The following DSCAM variants were observed in gnomAD, a reference collection of about 807,000 sequenced individuals.
The protein encoded by DSCAM is cell adhesion molecule DSCAM.
DSCAM carries 47 observed loss-of-function variants against 217.7 expected under a neutral mutation model. That is an observed-to-expected ratio of 0.22 (90% CI 0.17 to 0.28). The LOEUF is 0.28. DSCAM is among the 10% of genes least tolerant of loss of function. The pLI is 1.00. For synonymous variants in DSCAM, 1,056 were observed against 1,015.3 expected, an observed-to-expected ratio of 1.04 and a Z score of -0.76; for missense variants, 2,080 against 2,618.3, an observed-to-expected ratio of 0.79 and a Z score of 4.49.
chr21:40,408,969 G>A (rs956604191), intron 3 of DSCAM, among the ~76,000 whole-genome samples: 1 of 152,188 alleles, frequency 6.6e-6, no homozygotes, highest in African/African-American at 2.4e-5. Context: ...AGGTGTTTAG[G>A]TAATGTGTGG....
At chr21:40,408,834 T>A (rs1048691477) in intron 3 of DSCAM, among the ~76,000 whole-genome samples, 2 of 152,164 alleles carry the variant, frequency 1.3e-5, no homozygotes, top group Admixed American at 6.5e-5. Flanking sequence ...ATGACATAAC[T>A]AGAGTTCGTA....
At chr21:40,578,263 T>C (rs904794876) in intron 3 of DSCAM, among the ~76,000 whole-genome samples, 1 of 152,104 alleles carries the variant, frequency 6.6e-6, no homozygotes, top group Non-Finnish European at 1.5e-5. Context: ...AGTTCAAGGA[T>C]GTTCACTGTA....
chr21:40,731,150 A>C (rs2410289), intron 1 of DSCAM, among the ~76,000 whole-genome samples: 3,343 of 152,328 alleles, frequency 0.022, 126 homozygotes, highest in African/African-American at 0.077. Context: ...GTTCTGAAGA[A>C]GTATTTAGGA....
intron 1 of DSCAM, among the ~76,000 whole-genome samples, chr21:40,771,805 C>T (rs985179588): frequency 1.3e-5 from 2 of 152,190 alleles, no homozygotes; most frequent in Non-Finnish European, 2.9e-5. Flanking sequence ...CTTGGAAAGG[C>T]ATTCCAAATA....
chr21:40,729,997 T>C (rs146422552), intron 1 of DSCAM, among the ~76,000 whole-genome samples: 88 of 152,294 alleles, frequency 5.8e-4, no homozygotes, highest in Middle Eastern at 6.8e-3. Flanking sequence ...TAAGTATTCA[T>C]AACAGACTGG....
intron 3 of DSCAM, among the ~76,000 whole-genome samples, chr21:40,574,360 AAAG>A (rs1344980828): frequency 1.3e-5 from 2 of 152,158 alleles, no homozygotes; most frequent in Non-Finnish European, 2.9e-5. Context: ...TTAACAGATT[AAAG>A]AAGAAAAATT....
chr21:40,484,024 A>C (rs572630543), intron 3 of DSCAM, among the ~76,000 whole-genome samples: 1 of 152,334 alleles, frequency 6.6e-6, no homozygotes, highest in South Asian at 2.1e-4. Flanking sequence ...TGTTAATTCT[A>C]CGGGGCAGGA....
At chr21:40,846,135 G>A (rs2092143112) in intron 1 of DSCAM, among the ~76,000 whole-genome samples, 1 of 152,124 alleles carries the variant, frequency 6.6e-6, no homozygotes, top group Non-Finnish European at 1.5e-5. Flanking sequence ...GCCCTCCTTG[G>A]TGCTGGAGAT....
chr21:40,765,848 G>T (rs554136651), intron 1 of DSCAM, among the ~76,000 whole-genome samples: 14 of 152,294 alleles, frequency 9.2e-5, no homozygotes, highest in Non-Finnish European at 1.9e-4. Flanking sequence ...CTAGGGCTCC[G>T]ATGCCCGCTC....
chr21:40,242,497 T>A (rs1222067148), intron 11 of DSCAM, among the ~76,000 whole-genome samples: 2 of 152,192 alleles, frequency 1.3e-5, no homozygotes, highest in Non-Finnish European at 2.9e-5. Flanking sequence ...TACCATGTGG[T>A]ACCATGTGTG....
chr21:40,213,801 A>T (rs7282613), intron 11 of DSCAM, among the ~76,000 whole-genome samples: 74,680 of 151,912 alleles, frequency 0.49, 18,931 homozygotes, highest in Middle Eastern at 0.58. Flanking sequence ...GGTTTTGACT[A>T]GGGGAATTTT....
chr21:40,837,472 A>G (rs7277740), intron 1 of DSCAM, among the ~76,000 whole-genome samples: 46,049 of 152,094 alleles, frequency 0.3, 6,989 homozygotes, highest in South Asian at 0.41. Context: ...CAAATATTCA[A>G]TGAAGCCTAT....
intron 3 of DSCAM, among the ~76,000 whole-genome samples, chr21:40,398,768 G>C (rs1018288580): frequency 3.3e-5 from 5 of 151,564 alleles, no homozygotes; most frequent in East Asian, 1.9e-4. Flanking sequence ...CCAAGTAGCT[G>C]GGACTACAGG....
In DSCAM at chr21:40,698,869, TAAAAA is replaced by T. The variant is rs56775350; in HGVS notation, c.362-5918_362-5914del. Among the ~76,000 whole-genome samples, 120 of 107,988 alleles carry T rather than the reference TAAAAA, an allele frequency of 1.1e-3. 2 individuals are homozygous for T. The highest frequency in any genetic ancestry group is 1.7e-3 in the Non-Finnish European group (90 of 54,230). 70.8% of individuals were successfully genotyped at this position (107,988 alleles called of 152,430 possible). ...TGGGCGACAGAGCGAGAATCCGTCT[TAAAAA>T]AAAAAAAAAAAAAAAAAAAAGAGTC... is the stretch of plus-strand genomic sequence containing the variant. On this transcript the variant is annotated intron_variant, in intron 2 of 32. Transcript: ENST00000400454.
chr21:40,236,197 A>G (rs1051158924), intron 11 of DSCAM, among the ~76,000 whole-genome samples: 2 of 152,226 alleles, frequency 1.3e-5, no homozygotes, highest in African/African-American at 2.4e-5. Flanking sequence ...GTGTATAGGT[A>G]GCAGGTTGCC....
rs1488225394 is a variant in DSCAM at position 40,084,070 on chromosome 21, A to C, written c.4133-64T>G. The C allele has an allele frequency of 1.6e-5, 21 of 1,324,170 alleles. No individual in the cohort carries two copies. The East Asian group carries it at 4.9e-4, about 31-fold the overall frequency. The allele number at this position is 1,324,170 out of a possible 1,614,324, so 82.0% of individuals were successfully genotyped here. A position where few individuals can be genotyped will look rare whatever the true frequency, so the allele number is the denominator to read the frequency against. On this transcript the variant is annotated intron_variant, in intron 23 of 32. Coordinates refer to ENST00000400454, the MANE Select transcript of DSCAM (RefSeq NM_001389.5). ...TTTCACATCTTTAACTTTCCTGAAC[A>C]GTCATTTACCAACTCATTTTTAACA...
chr21:40,637,505 A>G (rs1601811809), intron 3 of DSCAM, among the ~76,000 whole-genome samples: 1 of 64,850 alleles, frequency 1.5e-5, no homozygotes, highest in African/African-American at 6.1e-5. Context: ...ATAAATATAT[A>G]TAAATATATA....
intron 3 of DSCAM, among the ~76,000 whole-genome samples, chr21:40,599,630 A>G (rs967864106): frequency 2.0e-5 from 3 of 152,220 alleles, no homozygotes; most frequent in African/African-American, 7.2e-5. Context: ...TGAAGGAGAT[A>G]GAGACACAAA....
Position 40,133,929 on chromosome 21 carries a change from T to C in DSCAM, c.3487A>G (p.Ile1163Val), listed in dbSNP as rs762315429. 6.2e-6 allele frequency: 10 copies of C among 1,613,538 alleles called. No individual in the cohort carries two copies. Among genetic ancestry groups the C allele is most frequent in the Non-Finnish European group, 8.5e-6 (10 of 1,179,734 alleles). Reference protein sequence around the residue: ...DGLEKYTNYSIQVLAFTRAGD... With the variant: ...DGLEKYTNYSVQVLAFTRAGD... ...GCGCGGGTGAAGGCCAGCACCTGGA[T>C]GCTGTAGTTGGTGTACTTTTCCAGC... Residue 1163 changes from isoleucine (I) to valine (V), a missense_variant, in exon 19 of 33, where the codon ATC (isoleucine) becomes GTC (valine). Ile to Val is a conservative substitution (Grantham distance 29). Coordinates refer to ENST00000400454, the MANE Select transcript of DSCAM (RefSeq NM_001389.5).
Sources: gnomAD v4.1 joint callset for allele counts (sites outside exome capture counted in the v4.1 genomes callset) on GRCh38, gnomAD v4.1.1 for gene constraint, MANE v1.5 for transcripts, NCBI Gene and HGNC (gene_info 2026-07-23, HGNC 2026-07-21) for gene names.